The following PRUNE2 variants were observed in gnomAD, a reference collection of about 807,000 sequenced individuals.
PRUNE2 encodes prune homolog 2 with BCH domain, also known as protein prune homolog 2.
In PRUNE2, 164 loss-of-function variants were observed where a neutral mutation model predicts 252.0. The ratio of observed to expected loss-of-function variants is 0.65; its 90% CI spans 0.57 to 0.74. The LOEUF (loss-of-function observed/expected upper bound fraction) is 0.74. Among genes scored for constraint, PRUNE2 ranks in the 30% least tolerant of loss-of-function variants. The pLI is 0.00. For missense variants in PRUNE2, 3,495 were observed against 3,711.0 expected, an observed-to-expected ratio of 0.94 and a Z score of 1.51; for synonymous variants, 1,292 against 1,350.2, an observed-to-expected ratio of 0.96 and a Z score of 0.94.
Position 76,854,159 on chromosome 9 carries a change from G to A in PRUNE2, c.86C>T (p.Ser29Leu), listed in dbSNP as rs763455397. Residue 29 changes from serine to leucine, a missense_variant, in exon 2 of 19, where the codon TCG becomes TTG. Coordinates refer to ENST00000376718, the MANE Select transcript of PRUNE2 (RefSeq NM_015225.3). ...AGAAATGAGAGAATCCAAGTCACAC[G>A]ATTTAGGCCCAATAACCACATGGAC... Reference protein sequence around the residue: ...EKVHVVIGPKSCDLDSLISTF... With the variant: ...EKVHVVIGPKLCDLDSLISTF... 1.2e-5 allele frequency: 19 copies of A among 1,605,294 alleles called. No homozygotes were observed. In the East Asian group the frequency reaches 1.6e-4, roughly 13 times the overall value.
chr9:76,796,607 A>G (rs1338517203), intron 6 of PRUNE2, among the ~76,000 whole-genome samples: 1 of 152,224 alleles, frequency 6.6e-6, no homozygotes, highest in Non-Finnish European at 1.5e-5. Flanking sequence ...TACAGCTGGC[A>G]TTTATGCATT....
Position 76,703,296 on chromosome 9 carries a change from T to C in PRUNE2, c.8276+41A>G, listed in dbSNP as rs773545581. 10 of 1,522,064 alleles carry C rather than the reference T, an allele frequency of 6.6e-6. No individual in the cohort carries two copies. In the African/African-American group the frequency reaches 8.3e-5, roughly 13 times the overall value. 94.3% of individuals were successfully genotyped at this position (1,522,064 alleles called of 1,614,324 possible). On this transcript the variant is annotated intron_variant, in intron 9 of 18. Coordinates refer to ENST00000376718, the MANE Select transcript of PRUNE2 (RefSeq NM_015225.3). ...ACCATTTCCCAGGTTTCTAAATAAA[T>C]TGCTTTTCAGGAAAAAAAATAAATC...
chr9:76,717,615 A>G, intron 6 of PRUNE2, among the ~76,000 whole-genome samples: 1 of 152,168 alleles, frequency 6.6e-6, no homozygotes, highest in Non-Finnish European at 1.5e-5. Flanking sequence ...GCATACATAT[A>G]TATCTCCCAT....
At chr9:76,685,043 C>G (rs190640615) in intron 9 of PRUNE2, among the ~76,000 whole-genome samples, 7 of 152,046 alleles carry the variant, frequency 4.6e-5, no homozygotes, top group Admixed American at 1.3e-4. Flanking sequence ...TGAGCCACCG[C>G]GCCCGGCCAC....
intron 6 of PRUNE2, chr9:76,764,309 G>A (rs1283119385): frequency 6.6e-6 from 1 of 152,192 alleles, no homozygotes; most frequent in Non-Finnish European, 1.5e-5. Flanking sequence ...ACGGGAAGGA[G>A]CATGATGAGA....
At chr9:76,676,065 TA>T (rs71354669) in intron 9 of PRUNE2, among the ~76,000 whole-genome samples, 8 of 144,464 alleles carry the variant, frequency 5.5e-5, no homozygotes, top group African/African-American at 1.8e-4. Context: ...TAAAGTATAA[TA>T]AAAAAAAAAC....
chr9:76,811,076 C>T (rs970933078), intron 6 of PRUNE2, among the ~76,000 whole-genome samples: 9 of 152,288 alleles, frequency 5.9e-5, no homozygotes, highest in Admixed American at 1.3e-4. Context: ...TAAGCAACAG[C>T]TGCTATTAAA....
At chr9:76,664,681 G>A (rs761019897) in intron 9 of PRUNE2, among the ~76,000 whole-genome samples, 21 of 151,928 alleles carry the variant, frequency 1.4e-4, no homozygotes, top group Admixed American at 2.6e-4. Flanking sequence ...CCACCATGCC[G>A]AGCTAATTTT....
At chr9:76,890,521 G>C (rs2133477842) in intron 1 of PRUNE2, among the ~76,000 whole-genome samples, 1 of 152,252 alleles carries the variant, frequency 6.6e-6, no homozygotes, top group East Asian at 1.9e-4. Context: ...GGCATGCAAG[G>C]ATTTACTTCC....
intron 6 of PRUNE2, chr9:76,737,279 AG>A (rs2049159637): frequency 1.3e-5 from 2 of 152,228 alleles, no homozygotes; most frequent in African/African-American, 4.8e-5. Flanking sequence ...GCTTGCCTCC[AG>A]CCCCATCCTT....
chr9:76,788,892 A>T (rs1052483600), intron 6 of PRUNE2, among the ~76,000 whole-genome samples: 2 of 152,224 alleles, frequency 1.3e-5, no homozygotes, highest in African/African-American at 4.8e-5. Context: ...AAGGGTATGT[A>T]TATAAGCTTC....
At chr9:76,691,504 G>A (rs1460267168) in intron 9 of PRUNE2, among the ~76,000 whole-genome samples, 1 of 152,098 alleles carries the variant, frequency 6.6e-6, no homozygotes, top group African/African-American at 2.4e-5. Context: ...AAGACAAAGG[G>A]AACAACATAA....
intron 4 of PRUNE2, among the ~76,000 whole-genome samples, chr9:76,837,441 A>AAATAACAAT (rs1554798659): frequency 3.7e-5 from 5 of 134,826 alleles, no homozygotes; most frequent in Non-Finnish European, 7.9e-5. Context: ...ACTCTGTCTC[A>AAATAACAAT]AATAATAATA....
intron 11 of PRUNE2, among the ~76,000 whole-genome samples, chr9:76,649,644 A>AGATAGATAGATG (rs1350692532): frequency 1.4e-5 from 2 of 147,920 alleles, no homozygotes; most frequent in Non-Finnish European, 2.9e-5. Flanking sequence ...ATAGATAGAT[A>AGATAGATAGATG]GAATAGGCTT....
intron 4 of PRUNE2, among the ~76,000 whole-genome samples, chr9:76,826,935 C>T (rs2058376962): frequency 1.3e-5 from 2 of 152,180 alleles, no homozygotes; most frequent in South Asian, 4.1e-4. Flanking sequence ...TCTCCAAGTA[C>T]TGCTCTCTAC....
chr9:76,615,324 T>G (rs180868688), intron 18 of PRUNE2: 2 of 786,074 alleles, frequency 2.5e-6, no homozygotes, highest in African/African-American at 3.8e-5. Flanking sequence ...ACTATTAGTT[T>G]GCAAAGGGTG....
intron 6 of PRUNE2, among the ~76,000 whole-genome samples, chr9:76,777,267 T>C (rs1053030775): frequency 6.6e-6 from 1 of 152,148 alleles, no homozygotes; most frequent in Non-Finnish European, 1.5e-5. Flanking sequence ...ACCTCAGTTT[T>C]AGTAGGGAGG....
rs373270472 is a variant in PRUNE2 at position 76,699,669 on chromosome 9, T to C, written c.8276+3668A>G. 1.3e-3 allele frequency among the ~76,000 whole-genome samples: 200 copies of C among 152,300 alleles called. 8 individuals are homozygous for C. The South Asian group carries it at 0.039, about 30-fold the overall frequency. On this transcript the variant is annotated intron_variant, in intron 9 of 18. Coordinates refer to ENST00000376718, the MANE Select transcript of PRUNE2 (RefSeq NM_015225.3). ...TAGACTTCAGACTTGCCAGCCCCCA[T>C]AATCGCATGAGCCAATTCCTTAAAA...
chr9:76,658,172 A>G, intron 9 of PRUNE2, among the ~76,000 whole-genome samples: 1 of 152,200 alleles, frequency 6.6e-6, no homozygotes, highest in Non-Finnish European at 1.5e-5. Flanking sequence ...CACCCTGACC[A>G]AGATGGAGAA....
Sources: gnomAD v4.1 joint callset for allele counts (sites outside exome capture counted in the v4.1 genomes callset) on GRCh38, gnomAD v4.1.1 for gene constraint, MANE v1.5 for transcripts, NCBI Gene and HGNC (gene_info 2026-07-23, HGNC 2026-07-21) for gene names.